LRRC37A2: variants seen among roughly 807,000 people sequenced by gnomAD.
LRRC37A2 encodes the protein leucine-rich repeat-containing protein 37A2.
LRRC37A2 carries 9 observed loss-of-function variants against 68.8 expected under a neutral mutation model. The ratio of observed to expected loss-of-function variants is 0.13; its 90% CI spans 0.08 to 0.23. The LOEUF (loss-of-function observed/expected upper bound fraction) is 0.23, where lower values mean the gene tolerates loss of function less well. Ranked by LOEUF, LRRC37A2 falls within the 10% of genes least tolerant of loss-of-function variation. The pLI is 1.00. For missense variants in LRRC37A2, 168 were observed against 950.4 expected, an observed-to-expected ratio of 0.18 and a Z score of 10.82; for synonymous variants, 63 against 367.6, an observed-to-expected ratio of 0.17 and a Z score of 9.48.
the LRRC37A2 span, among the ~76,000 whole-genome samples, chr17:46,787,879 C>T: frequency 6.6e-6 from 1 of 151,640 alleles, no homozygotes; most frequent in African/African-American, 2.4e-5. Flanking sequence ...TCGCTTGAAC[C>T]TGGGAGGCAG....
At chr17:46,772,675 C>T in the LRRC37A2 span, among the ~76,000 whole-genome samples, 1 of 152,224 alleles carries the variant, frequency 6.6e-6, no homozygotes, top group Admixed American at 6.5e-5. Flanking sequence ...TGACAATAGC[C>T]AGCACTTTGC....
the LRRC37A2 span, among the ~76,000 whole-genome samples, chr17:46,905,780 T>TTGTG: frequency 0.019 from 2,221 of 117,012 alleles, 27 homozygotes; most frequent in South Asian, 0.034. Flanking sequence ...CTCTGTGTGT[T>TTGTG]TGTGTGTGTG....
chr17:46,912,596 G>A, the LRRC37A2 span, among the ~76,000 whole-genome samples: 6 of 152,266 alleles, frequency 3.9e-5, no homozygotes, highest in Middle Eastern at 3.4e-3. Flanking sequence ...TGCAGCACCC[G>A]GGGCAACATC....
chr17:46,939,239 C>T, the LRRC37A2 span: 2 of 1,044,730 alleles, frequency 1.9e-6, no homozygotes, highest in Admixed American at 4.8e-5. Flanking sequence ...GGTCGATTCA[C>T]ATCCTCGTGC....
chr17:46,796,562 T>A, the LRRC37A2 span, among the ~76,000 whole-genome samples: 3 of 152,196 alleles, frequency 2.0e-5, no homozygotes, highest in Non-Finnish European at 4.4e-5. Context: ...CATCTGTATG[T>A]CCCACTCGGG....
intron 8 of LRRC37A2, among the ~76,000 whole-genome samples, chr17:46,542,752 G>A (rs918783670): frequency 4.0e-5 from 6 of 150,250 alleles, no homozygotes; most frequent in African/African-American, 1.3e-4. Flanking sequence ...TGCCTGCGGG[G>A]CCCTATTGTG....
chr17:46,846,048 C>A, the LRRC37A2 span, among the ~76,000 whole-genome samples: 3 of 152,130 alleles, frequency 2.0e-5, no homozygotes, highest in South Asian at 6.2e-4. Flanking sequence ...ACTTCAGCCT[C>A]CCAAAGTTCT....
the LRRC37A2 span, among the ~76,000 whole-genome samples, chr17:46,908,033 G>A: frequency 1.3e-5 from 2 of 152,080 alleles, no homozygotes; most frequent in South Asian, 2.1e-4. Context: ...CTGGGTTACC[G>A]ACCCTCTAAT....
At chr17:46,823,348 G>A in the LRRC37A2 span, among the ~76,000 whole-genome samples, 1 of 150,402 alleles carries the variant, frequency 6.6e-6, no homozygotes, top group East Asian at 2.0e-4. Flanking sequence ...CCAAGCAGCT[G>A]GGATTACATG....
At chr17:46,894,683 C>A in the LRRC37A2 span, among the ~76,000 whole-genome samples, 1 of 152,224 alleles carries the variant, frequency 6.6e-6, no homozygotes, top group Admixed American at 6.5e-5. Context: ...GGGCCGCCAG[C>A]CGGCCCCCCT....
At chr17:46,754,534 ATGTTTTTAACGAT>A in the LRRC37A2 span, among the ~76,000 whole-genome samples, 1 of 152,148 alleles carries the variant, frequency 6.6e-6, no homozygotes, top group Non-Finnish European at 1.5e-5. Flanking sequence ...GGAACTAAAG[ATGTTTTTAACGAT>A]TGTTTTCTAG....
At chr17:46,883,438 C>G in the LRRC37A2 span, among the ~76,000 whole-genome samples, 1 of 151,738 alleles carries the variant, frequency 6.6e-6, no homozygotes, top group Non-Finnish European at 1.5e-5. Context: ...GCGCCTACCC[C>G]ACGCCCGGCC....
the LRRC37A2 span, among the ~76,000 whole-genome samples, chr17:46,865,485 A>T: frequency 6.6e-6 from 1 of 152,110 alleles, no homozygotes; most frequent in African/African-American, 2.4e-5. Context: ...GGGTGGGTTC[A>T]TGGGGATGGA....
the LRRC37A2 span, among the ~76,000 whole-genome samples, chr17:46,966,166 G>A: frequency 6.6e-6 from 1 of 152,202 alleles, no homozygotes; most frequent in Non-Finnish European, 1.5e-5. Context: ...TCACCACAGA[G>A]TAAGAAGTGC....
At chr17:46,920,005 C>T in the LRRC37A2 span, among the ~76,000 whole-genome samples, 1 of 152,064 alleles carries the variant, frequency 6.6e-6, no homozygotes. Context: ...AACCTTTCTT[C>T]GACTACTATT....
chr17:47,011,560 A>G, the LRRC37A2 span, among the ~76,000 whole-genome samples: 1 of 151,258 alleles, frequency 6.6e-6, no homozygotes, highest in East Asian at 1.9e-4. Context: ...TCAAAAAAAA[A>G]AAAAAAGTTG....
the LRRC37A2 span, among the ~76,000 whole-genome samples, chr17:46,810,543 G>A: frequency 5.9e-5 from 9 of 152,172 alleles, no homozygotes; most frequent in Admixed American, 5.9e-4. Flanking sequence ...AAGCAGGCAG[G>A]GCAGGTGGTC....
chr17:46,929,362 CA>C, the LRRC37A2 span, among the ~76,000 whole-genome samples: 3 of 152,146 alleles, frequency 2.0e-5, no homozygotes, highest in African/African-American at 7.2e-5. Flanking sequence ...GAAACCATGC[CA>C]AAACGTGGGA....
chr17:47,024,280 G>A, the LRRC37A2 span, among the ~76,000 whole-genome samples: 1 of 152,204 alleles, frequency 6.6e-6, no homozygotes, highest in South Asian at 2.1e-4. Context: ...GGAAAAGGTT[G>A]AATGGCTTCA....
Sources: allele counts gnomAD v4.1 joint callset (sites outside exome capture counted in the v4.1 genomes callset), GRCh38; gene constraint gnomAD v4.1.1; transcripts MANE v1.5; gene names NCBI Gene and HGNC (gene_info 2026-07-23, HGNC 2026-07-21).